SCAI: variants seen among roughly 807,000 people sequenced by gnomAD.
The protein encoded by SCAI is protein SCAI.
A neutral mutation model predicts 92.2 loss-of-function variants in SCAI; 24 were observed. That is an observed-to-expected ratio of 0.26 (90% CI 0.19 to 0.37). SCAI has a LOEUF of 0.37. Among genes scored for constraint, SCAI ranks in the 10% least tolerant of loss-of-function variants. SCAI has a pLI of 1.00. For missense variants in SCAI, 450 were observed against 736.2 expected (o/e 0.61, Z 4.50); for synonymous variants, 261 against 258.6 (o/e 1.01, Z -0.09).
chr9:125,017,567 T>C (rs1238298341), intron 9 of SCAI, among the ~76,000 whole-genome samples: 4 of 152,128 alleles, frequency 2.6e-5, no homozygotes, highest in African/African-American at 7.2e-5. Flanking sequence ...GGATCCAAAA[T>C]TAAACTTGTA....
intron 2 of SCAI, among the ~76,000 whole-genome samples, chr9:125,130,680 AT>A (rs151026621): frequency 3.1e-3 from 431 of 141,178 alleles, no homozygotes; most frequent in Non-Finnish European, 2.7e-3. Flanking sequence ...ATCCCGGCTA[AT>A]TTTTTTTTTT....
intron 3 of SCAI, among the ~76,000 whole-genome samples, chr9:125,051,454 A>C (rs1274877883): frequency 6.6e-6 from 1 of 152,248 alleles, no homozygotes; most frequent in East Asian, 1.9e-4. Context: ...AAATTTTAAA[A>C]CAGCACCTTA....
At chr9:125,063,737 C>T (rs1182747867) in intron 2 of SCAI, among the ~76,000 whole-genome samples, 2 of 149,496 alleles carry the variant, frequency 1.3e-5, no homozygotes, top group African/African-American at 2.4e-5. Context: ...GTGTTCAGGT[C>T]AATATATCCC....
intron 14 of SCAI, among the ~76,000 whole-genome samples, chr9:124,989,008 G>A (rs535959211): frequency 2.0e-5 from 3 of 152,100 alleles, no homozygotes; most frequent in South Asian, 4.2e-4. Flanking sequence ...GTGTGGTAGC[G>A]CATGCCTGTA....
At chr9:125,072,028 CTT>C (rs56309523) in intron 2 of SCAI, among the ~76,000 whole-genome samples, 1 of 145,636 alleles carries the variant, frequency 6.9e-6, no homozygotes, top group Non-Finnish European at 1.5e-5. Context: ...AGTAGATAGT[CTT>C]TTTTTTTTTT....
chr9:124,968,740 T>C, intron 17 of SCAI: 1 of 1,300,948 alleles, frequency 7.7e-7, no homozygotes, highest in Non-Finnish European at 1.1e-6. Context: ...CGAATCTGGT[T>C]GAGGCCATGG....
At chr9:125,110,687 T>TC in intron 2 of SCAI, among the ~76,000 whole-genome samples, 1 of 152,286 alleles carries the variant, frequency 6.6e-6, no homozygotes, top group Non-Finnish European at 1.5e-5. Context: ...CCATGAGGCC[T>TC]CCACAGAAGC....
At chr9:125,026,363 G>A (rs1297589450) in intron 6 of SCAI, among the ~76,000 whole-genome samples, 1 of 134,268 alleles carries the variant, frequency 7.4e-6, no homozygotes, top group Non-Finnish European at 1.5e-5. Flanking sequence ...CTGGGCGACA[G>A]AGCAAGACTC....
At chr9:125,035,318 G>C (rs1374129605) in intron 3 of SCAI, among the ~76,000 whole-genome samples, 3 of 152,048 alleles carry the variant, frequency 2.0e-5, no homozygotes. Context: ...TCATACCACT[G>C]CGCTCCAGCC....
chr9:125,076,900 C>T (rs1293004466), intron 2 of SCAI, among the ~76,000 whole-genome samples: 1 of 152,168 alleles, frequency 6.6e-6, no homozygotes, highest in Non-Finnish European at 1.5e-5. Flanking sequence ...GTTTCATTCA[C>T]CATGTTGGCC....
chr9:125,056,239 AT>A (rs1357096789), intron 2 of SCAI, among the ~76,000 whole-genome samples: 6 of 152,028 alleles, frequency 3.9e-5, no homozygotes, highest in African/African-American at 1.2e-4. Context: ...GCCGAGGTGG[AT>A]GGATCACCTG....
intron 2 of SCAI, among the ~76,000 whole-genome samples, chr9:125,074,201 G>A (rs1169174470): frequency 1.4e-5 from 2 of 147,930 alleles, no homozygotes; most frequent in African/African-American, 2.5e-5. Flanking sequence ...AGAGGTTGCC[G>A]CGAGCCAAGA....
intron 2 of SCAI, among the ~76,000 whole-genome samples, chr9:125,068,997 C>T (rs749836642): frequency 6.6e-6 from 1 of 152,072 alleles, no homozygotes; most frequent in Non-Finnish European, 1.5e-5. Flanking sequence ...GGTTGGAAAA[C>T]TTGTGGTCAG....
At chr9:125,001,867 G>C in intron 12 of SCAI, 98 bp downstream of exon 12, 1 of 789,672 alleles carries the variant, frequency 1.3e-6, no homozygotes, top group Non-Finnish European at 2.1e-6. Context: ...AGTCTGTCTA[G>C]AAAGGCTGAG....
chr9:125,080,448 C>T (rs999248418), intron 2 of SCAI, among the ~76,000 whole-genome samples: 9 of 152,034 alleles, frequency 5.9e-5, no homozygotes, highest in Non-Finnish European at 8.8e-5. Flanking sequence ...CATAAGTAAA[C>T]GTATTTTCAG....
intron 9 of SCAI, among the ~76,000 whole-genome samples, chr9:125,017,890 C>G (rs1832794076): frequency 6.6e-6 from 1 of 151,442 alleles, no homozygotes; most frequent in Non-Finnish European, 1.5e-5. Flanking sequence ...GCCTGTAATC[C>G]CAGCTACTTG....
chr9:125,086,839 A>G (rs566326468), intron 2 of SCAI, among the ~76,000 whole-genome samples: 17 of 152,346 alleles, frequency 1.1e-4, no homozygotes, highest in Non-Finnish European at 1.5e-5. Context: ...TTGTGCTTCA[A>G]CTTTCCCATA....
intron 14 of SCAI, among the ~76,000 whole-genome samples, 156 bp from the exon 15 acceptor site, chr9:124,976,342 T>C (rs191836506): frequency 2.0e-5 from 3 of 152,244 alleles, no homozygotes; most frequent in Non-Finnish European, 4.4e-5. Flanking sequence ...CTGCCATTCA[T>C]ATATAAGTAC....
At chr9:125,070,182 T>C (rs1373416871) in intron 2 of SCAI, among the ~76,000 whole-genome samples, 2 of 152,126 alleles carry the variant, frequency 1.3e-5, no homozygotes, top group East Asian at 3.9e-4. Context: ...CAGAAAGTGT[T>C]GAATATGTGT....
Sources: allele counts gnomAD v4.1 joint callset (sites outside exome capture counted in the v4.1 genomes callset), GRCh38; gene constraint gnomAD v4.1.1; transcripts MANE v1.5; gene names NCBI Gene and HGNC (gene_info 2026-07-23, HGNC 2026-07-21).